ADAP1: variants seen among roughly 807,000 people sequenced by gnomAD.
ADAP1 encodes the protein arf-GAP with dual PH domain-containing protein 1.
A neutral mutation model predicts 54.9 loss-of-function variants in ADAP1; 31 were observed. The observed-to-expected ratio is 0.56, with a 90% CI of 0.42 to 0.76. The LOEUF (loss-of-function observed/expected upper bound fraction) is 0.76. Ranked by LOEUF, ADAP1 falls within the 30% of genes least tolerant of loss-of-function variation. The probability of loss-of-function intolerance (pLI) is 0.00; values close to 1 mark genes in which losing one functional copy is unlikely to be tolerated. For synonymous variants in ADAP1, 313 were observed against 202.6 expected, an observed-to-expected ratio of 1.55 and a Z score of -4.63; for missense variants, 535 against 512.4, an observed-to-expected ratio of 1.04 and a Z score of -0.42.
Position 934,305 on chromosome 7 carries a change from G to A in ADAP1, c.213+1070C>T, listed in dbSNP as rs954481167. On this transcript the variant is annotated intron_variant, in intron 2 of 10. Coordinates refer to ENST00000265846, the MANE Select transcript of ADAP1 (RefSeq NM_006869.4). ...CTGGGGTCAGTGGTGCTGGAGAGCC[G>A]GGAGCCGGGGTCAGTGGTGCTGGAG... Among the ~76,000 whole-genome samples, 8 of 148,898 alleles carry A rather than the reference G, an allele frequency of 5.4e-5. 1 individual carries two copies. Among genetic ancestry groups the A allele is most frequent in the Admixed American group, 1.3e-4 (2 of 14,976 alleles).
chr7:942,623 G>T (rs1846983712), intron 1 of ADAP1, among the ~76,000 whole-genome samples: 1 of 42,536 alleles, frequency 2.4e-5, no homozygotes, highest in Non-Finnish European at 5.5e-5. Context: ...AGGGAGAGAG[G>T]AGGAGGAAGG....
rs1444628506 is a variant in ADAP1 at position 926,582 on chromosome 7, G to A, written c.276C>T (p.Phe92=). 1 of 1,542,118 alleles carries A rather than the reference G, an allele frequency of 6.5e-7. No individual in the cohort carries two copies. The highest frequency in any genetic ancestry group is 1.2e-5 in the South Asian group (1 of 83,614). ...AGTCGGAGGGCGTGGGCCGGTAGTA[G>A]AAGGAGGGTACTTTGGACTCAAACC... ...RARFESKVPS[F]YYRPTPSDCQ... Residue 92 remains phenylalanine, a synonymous_variant, in exon 3 of 11, where the codon TTC becomes TTT. Coordinates refer to ENST00000265846, the MANE Select transcript of ADAP1 (RefSeq NM_006869.4). The surrounding 1 kb of genome is among the most constrained non-coding windows in gnomAD (Gnocchi z 4.6).
intron 1 of ADAP1, among the ~76,000 whole-genome samples, chr7:949,897 C>T (rs1421315253): frequency 2.6e-5 from 4 of 152,358 alleles, no homozygotes; most frequent in Admixed American, 6.5e-5. Context: ...AGTTCTTCAA[C>T]CAGGTAAGCA....
intron 6 of ADAP1, among the ~76,000 whole-genome samples, chr7:903,789 G>A (rs1844942868): frequency 1.3e-5 from 2 of 152,170 alleles, no homozygotes; most frequent in South Asian, 2.1e-4. Flanking sequence ...CATTGTGGGG[G>A]CGGTGGATCC....
In ADAP1 at chr7:932,629, C is replaced by T. The variant is rs554449382; in HGVS notation, c.213+2746G>A. On this transcript the variant is annotated intron_variant, in intron 2 of 10. Coordinates refer to ENST00000265846, the MANE Select transcript of ADAP1 (RefSeq NM_006869.4). ...CCTGCCCATTTTTTAGGGAAGGAAA[C>T]GGAGGCTCAGACAAGCCCACAGCCT... 3.3e-5 allele frequency among the ~76,000 whole-genome samples: 5 copies of T among 152,260 alleles called. No individual in the cohort carries two copies. The South Asian group carries it at 1.0e-3, about 32-fold the overall frequency.
At chr7:931,517 A>G (rs1846578959) in intron 2 of ADAP1, among the ~76,000 whole-genome samples, 1 of 151,672 alleles carries the variant, frequency 6.6e-6, no homozygotes, top group Non-Finnish European at 1.5e-5. Context: ...AAAAGTCCAG[A>G]ACCCACAAAT....
chr7:936,798 G>C (rs1846773795), intron 1 of ADAP1, among the ~76,000 whole-genome samples: 2 of 152,372 alleles, frequency 1.3e-5, no homozygotes, highest in East Asian at 1.9e-4. Context: ...CCACAAGCAG[G>C]TGCGGCTGTG....
At position 926,883 on chromosome 7, in the gene ADAP1, G is replaced by T. The variant is rs1846409166; in HGVS notation, c.214-239C>A. ...CCTAACGACGGGGTCCCGGCAAAGG[G>T]GGCCCAGGGGCCAGGCCCCTTTTGA... is the stretch of plus-strand genomic sequence containing the variant. On this transcript the variant is annotated intron_variant, in intron 2 of 10. Transcript: ENST00000265846. The surrounding 1 kb of genome is among the most constrained non-coding windows in gnomAD (Gnocchi z 4.6). The T allele has an allele frequency of 1.0e-6, 1 of 967,956 alleles. No homozygotes were observed. Among genetic ancestry groups the T allele is most frequent in the East Asian group, 3.3e-5 (1 of 30,234 alleles). 60.0% of individuals were successfully genotyped at this position (967,956 alleles called of 1,614,324 possible).
At chr7:905,298 CA>C (rs1219335916) in intron 4 of ADAP1, 126 bp from the exon 5 acceptor site, 5,542 of 260,562 alleles carry the variant, frequency 0.021, 586 homozygotes, top group African/African-American at 0.024. Context: ...GGGACACGGA[CA>C]GGGGGAGACG....
intron 2 of ADAP1, among the ~76,000 whole-genome samples, chr7:931,126 G>T (rs538808266): frequency 6.6e-6 from 1 of 151,504 alleles, no homozygotes; most frequent in Non-Finnish European, 1.5e-5. Flanking sequence ...AGGGAGGGAC[G>T]GAAGAAAGGA....
At chr7:900,458 G>A (rs1431833573) in intron 7 of ADAP1, 75 bp downstream of exon 7, 11 of 1,457,310 alleles carry the variant, frequency 7.5e-6, no homozygotes, top group Non-Finnish European at 9.4e-6. Context: ...CCAGACTCAG[G>A]GCACGAGGGC....
At chr7:899,815 A>G (rs1436319550) in intron 8 of ADAP1, among the ~76,000 whole-genome samples, 3 of 151,904 alleles carry the variant, frequency 2.0e-5, no homozygotes, top group African/African-American at 7.3e-5. Flanking sequence ...TCCCTCCCAC[A>G]TTATGCCTCA....
At chr7:927,132 A>G in intron 2 of ADAP1, 1 of 1,303,882 alleles carries the variant, frequency 7.7e-7, no homozygotes, top group Non-Finnish European at 1.0e-6. Context: ...AGATGTGGCT[A>G]GGACAGAGTC....
chr7:925,488 C>T (rs1562928870), intron 3 of ADAP1, among the ~76,000 whole-genome samples: 1 of 152,182 alleles, frequency 6.6e-6, no homozygotes, highest in Non-Finnish European at 1.5e-5. Context: ...CCCCAACCCC[C>T]ACCCGCCTTC....
At chr7:931,776 A>AG (rs542735178) in intron 2 of ADAP1, among the ~76,000 whole-genome samples, 28 of 145,008 alleles carry the variant, frequency 1.9e-4, no homozygotes, top group African/African-American at 6.4e-4. Context: ...GTAGGGAGAA[A>AG]AAAAAAAAAA....
rs1335368914 is a variant in ADAP1, at chr7:946,698, C to A, written c.82+7698G>T. Among the ~76,000 whole-genome samples the A allele has an allele frequency of 1.3e-5, 2 of 152,262 alleles. No individual in the cohort carries two copies. Among genetic ancestry groups the A allele is most frequent in the Non-Finnish European group, 2.9e-5 (2 of 68,042 alleles). On this transcript the variant is annotated intron_variant, in intron 1 of 10. Transcript: ENST00000265846. The surrounding 1 kb of genome is among the most constrained non-coding windows in gnomAD (Gnocchi z 4.3). ...GGCCCCCACCCCGCGCCCCTCCAGG[C>A]TCTTCAGGGCCCTCGCACAGGGCCG...
intron 3 of ADAP1, among the ~76,000 whole-genome samples, chr7:925,696 C>T (rs559976067): frequency 3.3e-5 from 5 of 152,380 alleles, no homozygotes; most frequent in East Asian, 3.9e-4. Flanking sequence ...AGCAACGGCA[C>T]GTGGGCCCCT....
chr7:902,794 C>CAA (rs1562907968), intron 6 of ADAP1, among the ~76,000 whole-genome samples: 1 of 142,480 alleles, frequency 7.0e-6, no homozygotes, highest in Non-Finnish European at 1.6e-5. Flanking sequence ...TGCCAACACA[C>CAA]GCACAGCATT....
chr7:935,899 G>A lies in ADAP1; in HGVS notation c.83-394C>T, dbSNP rs551012839. 4.6e-5 allele frequency among the ~76,000 whole-genome samples: 7 copies of A among 152,336 alleles called. No individual in the cohort carries two copies. The East Asian group carries it at 5.8e-4, about 13-fold the overall frequency. On this transcript the variant is annotated intron_variant, in intron 1 of 10. Transcript: ENST00000265846. ...TGCCCTGGGAGAAGTCTGTGGGCCCGAATCCTCCTGGGTGATGGGGCCAAG... is the reference window on the plus strand; with the variant it reads ...TGCCCTGGGAGAAGTCTGTGGGCCCAAATCCTCCTGGGTGATGGGGCCAAG...
Sources: gnomAD v4.1 joint callset for allele counts (sites outside exome capture counted in the v4.1 genomes callset) on GRCh38, gnomAD v4.1.1 for gene constraint, Gnocchi (gnomAD v3.1) non-coding constraint, MANE v1.5 for transcripts, NCBI Gene and HGNC (gene_info 2026-07-23, HGNC 2026-07-21) for gene names.